The following WWP2 variants were observed in gnomAD, a reference collection of about 807,000 sequenced individuals.
WWP2 encodes the protein WW domain containing E3 ubiquitin protein ligase 2.
A neutral mutation model predicts 121.0 loss-of-function variants in WWP2; 57 were observed. The ratio of observed to expected loss-of-function variants is 0.47; its 90% CI spans 0.38 to 0.59. WWP2 has a LOEUF of 0.59. Ranked by LOEUF, WWP2 falls within the 20% of genes least tolerant of loss-of-function variation. The pLI is 0.00. For missense variants in WWP2, 962 were observed against 1,158.9 expected, an observed-to-expected ratio of 0.83 and a Z score of 2.47; for synonymous variants, 449 against 441.3, an observed-to-expected ratio of 1.02 and a Z score of -0.22.
chr16:69,843,817 T>C (rs560367155), intron 6 of WWP2, among the ~76,000 whole-genome samples: 2 of 152,056 alleles, frequency 1.3e-5, no homozygotes, highest in African/African-American at 4.8e-5. Context: ...TGCACTGAGC[T>C]AGCATCAGGG....
chr16:69,771,541 C>T (rs972531129), intron 1 of WWP2, among the ~76,000 whole-genome samples: 1 of 152,206 alleles, frequency 6.6e-6, no homozygotes, highest in African/African-American at 2.4e-5. Context: ...GGCACAGAGC[C>T]TGAAGGACTG....
At chr16:69,765,162 T>C (rs904043941) in intron 1 of WWP2, among the ~76,000 whole-genome samples, 2 of 151,904 alleles carry the variant, frequency 1.3e-5, no homozygotes, top group Non-Finnish European at 2.9e-5. Flanking sequence ...GTGCCACTCA[T>C]TGCACTCTAG....
At chr16:69,845,982 G>A (rs138994855) in intron 6 of WWP2, among the ~76,000 whole-genome samples, 16 of 137,586 alleles carry the variant, frequency 1.2e-4, no homozygotes, top group Non-Finnish European at 2.0e-4. Flanking sequence ...CCTGGGAGGC[G>A]GAGGTTGCAG....
At chr16:69,870,575 A>G (rs912065718) in intron 6 of WWP2, among the ~76,000 whole-genome samples, 2 of 152,214 alleles carry the variant, frequency 1.3e-5, no homozygotes, top group African/African-American at 4.8e-5. Context: ...TGTTAGGATA[A>G]CAGGCGTGAG....
rs894889264 is a variant in WWP2 at position 69,794,632 on chromosome 16, A to G, written c.71-4050A>G. On this transcript the variant is annotated intron_variant, in intron 2 of 23. Coordinates refer to ENST00000359154, the MANE Select transcript of WWP2 (RefSeq NM_001270454.2). Reference sequence around the variant, plus strand: ...AGAAATCAGAAGTAAGATGGAATCAACTATGTCCGATTTCTCTGTCATAAT... The same window carrying G: ...AGAAATCAGAAGTAAGATGGAATCAGCTATGTCCGATTTCTCTGTCATAAT... Among the ~76,000 whole-genome samples, 4 of 152,256 alleles carry G rather than the reference A, an allele frequency of 2.6e-5. No homozygotes were observed. The East Asian group carries it at 7.7e-4, about 29-fold the overall frequency.
In WWP2 at chr16:69,908,792, G is replaced by A; in HGVS notation, c.946G>A (p.Val316Ile). The A allele has an allele frequency of 1.2e-6, 2 of 1,614,184 alleles. No homozygotes were observed. ...WEQRELPNGR[V>I]YYVDHNTKTT... is the part of the protein sequence containing the mutation. Reference sequence around the variant, plus strand: ...ACAGCGAGAGCTGCCCAACGGACGTGTCTATTATGTTGACCACAATACCAA... The same window carrying A: ...ACAGCGAGAGCTGCCCAACGGACGTATCTATTATGTTGACCACAATACCAA... Residue 316 changes from valine (V) to isoleucine (I), a missense_variant, in exon 9 of 24, where the codon GTC (valine) becomes ATC (isoleucine). Coordinates refer to ENST00000359154, the MANE Select transcript of WWP2 (RefSeq NM_001270454.2).
At chr16:69,812,714 G>A (rs2056418443) in intron 4 of WWP2, among the ~76,000 whole-genome samples, 1 of 152,100 alleles carries the variant, frequency 6.6e-6, no homozygotes, top group African/African-American at 2.4e-5. Context: ...GATTCAGAGT[G>A]TGCATTCTTG....
Position 69,936,465 on chromosome 16 carries a change from C to A in WWP2, c.2117+13C>A. 6.2e-7 allele frequency: 1 copy of A among 1,613,642 alleles called. No homozygotes were observed. The highest frequency in any genetic ancestry group is 8.5e-7 in the Non-Finnish European group (1 of 1,179,894). ...AAGAGTACATCATGTGAGTCTCAGG[C>A]GCCGGGGGCTCCGCTCCAGGGGTGG... is the stretch of plus-strand genomic sequence containing the variant. On this transcript the variant is annotated intron_variant, in intron 19 of 23. Coordinates refer to ENST00000359154, the MANE Select transcript of WWP2 (RefSeq NM_001270454.2).
intron 6 of WWP2, among the ~76,000 whole-genome samples, chr16:69,843,979 C>T (rs2057024634): frequency 6.6e-6 from 1 of 152,216 alleles, no homozygotes; most frequent in Non-Finnish European, 1.5e-5. Flanking sequence ...CCTCTGAGGA[C>T]AGCTGTCAGC....
intron 1 of WWP2, among the ~76,000 whole-genome samples, chr16:69,779,739 T>G (rs1271520718): frequency 1.3e-5 from 2 of 152,194 alleles, no homozygotes; most frequent in African/African-American, 2.4e-5. Flanking sequence ...TTCTAAAATA[T>G]TCTTTCATTT....
At chr16:69,926,085 G>C (rs904807) in intron 11 of WWP2, 121,722 of 152,076 alleles carry the variant, frequency 0.8, 49,138 homozygotes, top group East Asian at 0.96. Flanking sequence ...TTCTCCTCGC[G>C]CTTGGTAGCC....
intron 8 of WWP2, 148 bp from the exon 9 acceptor site, chr16:69,908,613 G>A: frequency 6.8e-7 from 1 of 1,463,750 alleles, no homozygotes; most frequent in Admixed American, 2.4e-5. Flanking sequence ...GCCACAGCAG[G>A]AACTGGCTTC....
At chr16:69,801,477 C>T (rs995223400) in intron 4 of WWP2, among the ~76,000 whole-genome samples, 45 of 152,130 alleles carry the variant, frequency 3.0e-4, no homozygotes, top group Non-Finnish European at 5.4e-4. Context: ...TCAAGTGATC[C>T]GCCTGCCTTG....
At chr16:69,769,874 C>CTT (rs71151134) in intron 1 of WWP2, among the ~76,000 whole-genome samples, 1 of 102,232 alleles carries the variant, frequency 9.8e-6, no homozygotes, top group Admixed American at 1.0e-4. Flanking sequence ...TGATCAGTGT[C>CTT]TTTTTTTTTT....
intron 17 of WWP2, among the ~76,000 whole-genome samples, 185 bp downstream of exon 17, chr16:69,934,314 G>A (rs1363864014): frequency 1.3e-5 from 2 of 152,172 alleles, no homozygotes; most frequent in East Asian, 3.9e-4. Context: ...GGCAGCCCCC[G>A]TGGACTGGCT....
intron 19 of WWP2, 97 bp downstream of exon 19, chr16:69,936,549 CTG>C (rs939735316): frequency 6.5e-7 from 1 of 1,529,778 alleles, no homozygotes; most frequent in African/African-American, 1.4e-5. Flanking sequence ...CCATCGGTCA[CTG>C]TGGATGCCAT....
chr16:69,818,174 T>A (rs1411717875), intron 4 of WWP2, among the ~76,000 whole-genome samples: 1 of 151,644 alleles, frequency 6.6e-6, no homozygotes, highest in Non-Finnish European at 1.5e-5. Flanking sequence ...TTTTGTTTTA[T>A]ATTTTAGATT....
intron 6 of WWP2, among the ~76,000 whole-genome samples, chr16:69,867,489 A>G (rs950499115): frequency 6.6e-6 from 1 of 152,122 alleles, no homozygotes; most frequent in Non-Finnish European, 1.5e-5. Context: ...GTCCCATGAC[A>G]CCCAAGGCTC....
chr16:69,804,158 A>G (rs1441853731), intron 4 of WWP2, among the ~76,000 whole-genome samples: 1 of 152,020 alleles, frequency 6.6e-6, no homozygotes, highest in African/African-American at 2.4e-5. Context: ...TTTGCATTCT[A>G]ACTTTGTATG....
Sources: gnomAD v4.1 joint callset for allele counts (sites outside exome capture counted in the v4.1 genomes callset) on GRCh38, gnomAD v4.1.1 for gene constraint, MANE v1.5 for transcripts, NCBI Gene and HGNC (gene_info 2026-07-23, HGNC 2026-07-21) for gene names.